Variants in PREX1 observed in about 807,000 individuals in gnomAD.
PREX1 encodes phosphatidylinositol-3,4,5-trisphosphate dependent Rac exchange factor 1.
In PREX1, 41 loss-of-function variants were observed where a neutral mutation model predicts 198.3. That is an observed-to-expected ratio of 0.21 (90% CI 0.16 to 0.27). The LOEUF is 0.27. PREX1 is among the 10% of genes least tolerant of loss of function. The pLI, the probability that PREX1 is intolerant of heterozygous loss-of-function variation, is 1.00. For missense variants in PREX1, 1,620 were observed against 2,200.7 expected (o/e 0.74, Z 5.28); for synonymous variants, 843 against 887.2 (o/e 0.95, Z 0.89).
intron 14 of PREX1, among the ~76,000 whole-genome samples, 152 bp downstream of exon 14, chr20:48,676,039 GAA>G (rs1167671520): frequency 8.0e-6 from 1 of 124,296 alleles, no homozygotes. Flanking sequence ...TCTGTCTCAA[GAA>G]AAAAAAAAAA....
chr20:48,630,054 G>C (rs113749913), intron 36 of PREX1, among the ~76,000 whole-genome samples: 2,294 of 152,186 alleles, frequency 0.015, 61 homozygotes, highest in African/African-American at 0.053. Flanking sequence ...GCTGTGCTGC[G>C]GGGACATTCT....
Position 48,628,964 on chromosome 20 carries a change from A to C in PREX1, c.4766+485T>G, listed in dbSNP as rs117517580. ...GAAGGCTGTCTGGGGAGTGGGGGTGAGGGCTGCAGAGGAAGAGAGGGTTGG... is the reference window on the plus strand; with the variant it reads ...GAAGGCTGTCTGGGGAGTGGGGGTGCGGGCTGCAGAGGAAGAGAGGGTTGG... On this transcript the variant is annotated intron_variant, in intron 37 of 39. Coordinates refer to ENST00000371941, the MANE Select transcript of PREX1 (RefSeq NM_020820.4). Among the ~76,000 whole-genome samples the C allele has an allele frequency of 2.6e-3, 391 of 152,146 alleles. 7 individuals carry two copies. Among genetic ancestry groups the C allele is most frequent in the East Asian group, 0.019 (98 of 5,158 alleles).
In PREX1 at chr20:48,684,614, G is replaced by A. The variant is rs1021753974; in HGVS notation, c.1335-3279C>T. On this transcript the variant is annotated intron_variant, in intron 10 of 39. Coordinates refer to ENST00000371941, the MANE Select transcript of PREX1 (RefSeq NM_020820.4). This position sits in a 1 kb window ranked among gnomAD's most constrained non-coding sequence, Gnocchi z 4.2. The stretch of plus-strand genomic sequence containing the variant: ...CCTGACGGCCCCTGCCAGACACGCC[G>A]CGTCATACCTGGTAACCCTGAGCTC... 1.6e-4 allele frequency among the ~76,000 whole-genome samples: 25 copies of A among 152,130 alleles called. No individual in the cohort carries two copies. Among genetic ancestry groups the A allele is most frequent in the Admixed American group, 6.5e-4 (10 of 15,278 alleles).
chr20:48,779,004 G>A (rs140934108), intron 1 of PREX1, among the ~76,000 whole-genome samples: 85 of 152,052 alleles, frequency 5.6e-4, no homozygotes, highest in African/African-American at 1.9e-3. Flanking sequence ...AGAAGAAAAG[G>A]GATAAATTAG....
the PREX1 span, among the ~76,000 whole-genome samples, chr20:48,886,763 A>T: frequency 6.6e-6 from 1 of 152,242 alleles, no homozygotes; most frequent in Non-Finnish European, 1.5e-5. Flanking sequence ...CCCACAAGGT[A>T]GGGACTAGTA....
intron 35 of PREX1, among the ~76,000 whole-genome samples, chr20:48,631,484 G>C (rs1223769127): frequency 2.0e-5 from 3 of 152,170 alleles, no homozygotes; most frequent in East Asian, 3.8e-4. Context: ...TGTGAATGAA[G>C]GGATGAATGA....
At chr20:48,660,157 G>T in intron 15 of PREX1, 96 bp from the exon 16 acceptor site, 1 of 1,479,202 alleles carries the variant, frequency 6.8e-7, no homozygotes, top group South Asian at 1.2e-5. Flanking sequence ...ACTAGGCCAT[G>T]GACACGTTTG....
At chr20:48,680,892 TC>T (rs34900461) in intron 11 of PREX1, among the ~76,000 whole-genome samples, 58,764 of 152,040 alleles carry the variant, frequency 0.39, 11,977 homozygotes, top group South Asian at 0.53. Context: ...AGGCACGTCC[TC>T]CTCCCGTTCA....
intron 15 of PREX1, among the ~76,000 whole-genome samples, chr20:48,664,615 T>C (rs957050754): frequency 1.3e-5 from 2 of 152,244 alleles, no homozygotes; most frequent in Admixed American, 6.5e-5. Context: ...AAGGTTTACC[T>C]GTCCTGTTGA....
chr20:48,652,518 G>A, intron 21 of PREX1, 68 bp downstream of exon 21: 1 of 1,516,208 alleles, frequency 6.6e-7, no homozygotes, highest in Non-Finnish European at 8.9e-7. Flanking sequence ...GACAACAGGA[G>A]AGGACCCAGC....
intron 30 of PREX1, 120 bp downstream of exon 30, chr20:48,639,646 C>T: frequency 7.0e-7 from 1 of 1,437,354 alleles, no homozygotes; most frequent in Non-Finnish European, 9.5e-7. Context: ...TTCTCTTGTC[C>T]TCTCCCTGGT....
chr20:48,840,604 T>C, the PREX1 span, among the ~76,000 whole-genome samples: 1 of 152,212 alleles, frequency 6.6e-6, no homozygotes, highest in East Asian at 1.9e-4. Flanking sequence ...GATGTTCATA[T>C]TCAGCTAGCC....
chr20:48,778,321 C>A (rs2090272638), intron 1 of PREX1, among the ~76,000 whole-genome samples: 1 of 152,016 alleles, frequency 6.6e-6, no homozygotes, highest in African/African-American at 2.4e-5. Flanking sequence ...TGCCTGTAAT[C>A]CCAGCACTTT....
chr20:48,754,922 G>A (rs941419624), intron 1 of PREX1, among the ~76,000 whole-genome samples: 3 of 152,140 alleles, frequency 2.0e-5, no homozygotes, highest in Non-Finnish European at 4.4e-5. Flanking sequence ...AGAGTCTGGG[G>A]AGCTCCCCAA....
chr20:48,694,982 AACATAT>A (rs2089838045), intron 7 of PREX1, among the ~76,000 whole-genome samples: 1 of 152,158 alleles, frequency 6.6e-6, no homozygotes, highest in Non-Finnish European at 1.5e-5. Flanking sequence ...CACACATATA[AACATAT>A]ACATACATAT....
intron 1 of PREX1, among the ~76,000 whole-genome samples, chr20:48,805,310 A>C (rs1412976914): frequency 1.3e-5 from 2 of 152,220 alleles, no homozygotes; most frequent in Non-Finnish European, 2.9e-5. Context: ...CCAGATAAGA[A>C]ACTGAGGCTC....
At chr20:48,799,662 T>C (rs1423019386) in intron 1 of PREX1, among the ~76,000 whole-genome samples, 1 of 152,088 alleles carries the variant, frequency 6.6e-6, no homozygotes, top group East Asian at 1.9e-4. Context: ...GGTAAGGGTT[T>C]TCCAGCCCCA....
At chr20:48,670,734 G>A (rs939350782) in intron 14 of PREX1, among the ~76,000 whole-genome samples, 2 of 152,110 alleles carry the variant, frequency 1.3e-5, no homozygotes, top group Admixed American at 6.5e-5. Context: ...TGACACCCCT[G>A]AGAGGTGGTC....
chr20:48,863,399 T>G, the PREX1 span, among the ~76,000 whole-genome samples: 1 of 152,100 alleles, frequency 6.6e-6, no homozygotes, highest in Admixed American at 6.6e-5. Flanking sequence ...TTAGGTAGAA[T>G]AGTTTCACTG....
Sources: gnomAD v4.1 joint callset for allele counts (sites outside exome capture counted in the v4.1 genomes callset) on GRCh38, gnomAD v4.1.1 for gene constraint, Gnocchi (gnomAD v3.1) non-coding constraint, MANE v1.5 for transcripts, NCBI Gene and HGNC (gene_info 2026-07-23, HGNC 2026-07-21) for gene names.